The following IGSF21 variants were observed in gnomAD, a reference collection of about 807,000 sequenced individuals.
The protein encoded by IGSF21 is immunoglobulin superfamily member 21.
A neutral mutation model predicts 46.8 loss-of-function variants in IGSF21; 28 were observed. That is an observed-to-expected ratio of 0.60 (90% CI 0.44 to 0.82). IGSF21 has a LOEUF of 0.82. IGSF21 is among the 40% of genes least tolerant of loss of function. The pLI is 0.00. For missense variants in IGSF21, 624 were observed against 665.5 expected (o/e 0.94, Z 0.69); for synonymous variants, 284 against 273.6 (o/e 1.04, Z -0.38).
chr1:18,337,409 A>G lies in IGSF21; in HGVS notation c.424+2399A>G, dbSNP rs1331671990. On this transcript the variant is annotated intron_variant, in intron 4 of 9. Coordinates refer to ENST00000251296, the MANE Select transcript of IGSF21 (RefSeq NM_032880.5). The surrounding 1 kb of genome is among the most constrained non-coding windows in gnomAD (Gnocchi z 5.7). ...CATTGAAGAGCTCAGTTACTTGGAC[A>G]CTGTTGTTTTTATTATCACTGTCTC... is the stretch of plus-strand genomic sequence containing the variant. 6.6e-6 allele frequency among the ~76,000 whole-genome samples: 1 copy of G among 152,084 alleles called. No homozygotes were observed. The highest frequency in any genetic ancestry group is 1.9e-4 in the East Asian group (1 of 5,180).
intron 1 of IGSF21, among the ~76,000 whole-genome samples, chr1:18,220,491 G>A (rs1195978901): frequency 1.3e-5 from 2 of 152,156 alleles, no homozygotes; most frequent in Admixed American, 6.5e-5. Context: ...TCAAGGGAAT[G>A]AGTAGAATCC....
intron 1 of IGSF21, among the ~76,000 whole-genome samples, chr1:18,173,857 G>A (rs572666895): frequency 5.9e-5 from 9 of 152,282 alleles, no homozygotes; most frequent in African/African-American, 2.2e-4. Context: ...AGGTTCAAGC[G>A]ATTCTCCTGC....
chr1:18,161,555 G>A (rs189097307), intron 1 of IGSF21, among the ~76,000 whole-genome samples: 7 of 152,236 alleles, frequency 4.6e-5, no homozygotes, highest in East Asian at 1.9e-4. Flanking sequence ...CATTGCAAGC[G>A]CCCATTCCAA....
chr1:18,120,960 C>T (rs138129135), intron 1 of IGSF21, among the ~76,000 whole-genome samples: 2 of 152,168 alleles, frequency 1.3e-5, no homozygotes, highest in Non-Finnish European at 2.9e-5. Flanking sequence ...CTTACCTATT[C>T]GTCATTCCCC....
rs149990165 is a variant in IGSF21 at position 18,365,285 on chromosome 1, G to A, written c.603G>A (p.Ala201=). The change falls in exon 6 of 10, where the codon GCG becomes GCA. Residue 201 remains alanine (A), a synonymous_variant. Transcript: ENST00000251296. The surrounding 1 kb of genome is among the most constrained non-coding windows in gnomAD (Gnocchi z 4.8). ...TGCCCCTATCAGAGCCACCAGCTGCGAGCTCCGGCCCCCTACAGGACAGCA... is the reference window on the plus strand; with the variant it reads ...TGCCCCTATCAGAGCCACCAGCTGCAAGCTCCGGCCCCCTACAGGACAGCA... ...DAVPLSEPPA[A]SSGPLQDSRP... 1.5e-3 allele frequency: 2,369 copies of A among 1,613,800 alleles called. 2 individuals carry two copies. The highest frequency in any genetic ancestry group is 1.8e-3 in the Non-Finnish European group (2,180 of 1,179,828).
intron 3 of IGSF21, among the ~76,000 whole-genome samples, chr1:18,300,224 G>A (rs1182713400): frequency 6.6e-6 from 1 of 152,020 alleles, no homozygotes; most frequent in East Asian, 1.9e-4. Flanking sequence ...TTTGATTCAA[G>A]CCCAGAGCAA....
At chr1:18,375,497 G>A (rs16861862) in intron 6 of IGSF21, among the ~76,000 whole-genome samples, 1 of 152,066 alleles carries the variant, frequency 6.6e-6, no homozygotes, top group Non-Finnish European at 1.5e-5. Context: ...CTCAGGTGTC[G>A]TTCAGAGGAT....
chr1:18,128,052 C>T (rs1482420006), intron 1 of IGSF21, among the ~76,000 whole-genome samples: 1 of 152,084 alleles, frequency 6.6e-6, no homozygotes, highest in Non-Finnish European at 1.5e-5. Context: ...TAGTGATACT[C>T]TTGGATATTA....
chr1:18,225,085 TCACACACACACACACACA>T (rs529286231), intron 1 of IGSF21, among the ~76,000 whole-genome samples: 2 of 51,582 alleles, frequency 3.9e-5, no homozygotes, highest in Admixed American at 2.1e-4. Context: ...TCTCTCTCTC[TCACACACACACACACACA>T]CACACACACA....
chr1:18,346,743 G>A (rs1431452654), intron 4 of IGSF21, among the ~76,000 whole-genome samples: 2 of 152,168 alleles, frequency 1.3e-5, no homozygotes, highest in Non-Finnish European at 2.9e-5. Context: ...CTGCCAGCCG[G>A]AGCTTCTGAG....
At chr1:18,165,267 G>A (rs1437600761) in intron 1 of IGSF21, among the ~76,000 whole-genome samples, 2 of 152,196 alleles carry the variant, frequency 1.3e-5, no homozygotes, top group Non-Finnish European at 2.9e-5. Context: ...GATGCTGGAA[G>A]TCCAAGATCA....
intron 2 of IGSF21, among the ~76,000 whole-genome samples, chr1:18,270,203 C>A (rs72932988): frequency 0.018 from 2,730 of 152,302 alleles, 87 homozygotes; most frequent in African/African-American, 0.062. Context: ...AGACCCCAAC[C>A]CTGCCTGCCA....
intron 1 of IGSF21, among the ~76,000 whole-genome samples, chr1:18,108,415 G>C (rs2086111848): frequency 6.7e-6 from 1 of 149,990 alleles, no homozygotes; most frequent in Non-Finnish European, 1.5e-5. Flanking sequence ...TGTGTAAATT[G>C]TGTGTCTTTG....
intron 1 of IGSF21, among the ~76,000 whole-genome samples, chr1:18,161,119 G>A (rs948233967): frequency 1.3e-5 from 2 of 152,104 alleles, no homozygotes; most frequent in African/African-American, 2.4e-5. Context: ...TGAATCTCAG[G>A]GGTCCAGGTA....
chr1:18,374,963 C>T (rs1488724667), intron 6 of IGSF21, among the ~76,000 whole-genome samples: 6 of 152,198 alleles, frequency 3.9e-5, no homozygotes, highest in African/African-American at 1.4e-4. Flanking sequence ...TCTCCCAACC[C>T]CCTTCCCTCC....
intron 1 of IGSF21, among the ~76,000 whole-genome samples, chr1:18,210,193 T>C (rs1372965267): frequency 6.6e-6 from 1 of 152,162 alleles, no homozygotes; most frequent in African/African-American, 2.4e-5. Context: ...TTGCTTCTCC[T>C]GTCAAGTGGA....
At chr1:18,211,574 C>A (rs932914908) in intron 1 of IGSF21, among the ~76,000 whole-genome samples, 1 of 152,168 alleles carries the variant, frequency 6.6e-6, no homozygotes, top group Non-Finnish European at 1.5e-5. Context: ...CTGCTTTTAG[C>A]TTCTGAGCCC....
At chr1:18,108,307 C>T (rs2086110645) in intron 1 of IGSF21, 109 bp downstream of exon 1, 1 of 1,114,066 alleles carries the variant, frequency 9.0e-7, no homozygotes, top group Non-Finnish European at 1.1e-6. Flanking sequence ...GCTACGAGCA[C>T]CGGTCCTGCC....
At chr1:18,230,885 C>T (rs1244194711) in intron 2 of IGSF21, among the ~76,000 whole-genome samples, 1 of 151,848 alleles carries the variant, frequency 6.6e-6, no homozygotes, top group Non-Finnish European at 1.5e-5. Flanking sequence ...GCCAGACGAA[C>T]CCCCCACTGT....
Sources: allele counts gnomAD v4.1 joint callset (sites outside exome capture counted in the v4.1 genomes callset), GRCh38; gene constraint gnomAD v4.1.1; non-coding constraint Gnocchi (gnomAD v3.1); transcripts MANE v1.5; gene names NCBI Gene and HGNC (gene_info 2026-07-23, HGNC 2026-07-21).